The following ARHGEF10 variants were observed in gnomAD, a reference collection of about 807,000 sequenced individuals.
ARHGEF10 encodes the protein Rho guanine nucleotide exchange factor 10.
In ARHGEF10, 140 loss-of-function variants were observed where a neutral mutation model predicts 147.4. That is an observed-to-expected ratio of 0.95 (90% confidence interval 0.83 to 1.09). The LOEUF (loss-of-function observed/expected upper bound fraction) is 1.09, where lower values mean the gene tolerates loss of function less well. Ranked by LOEUF, ARHGEF10 falls within the 50% of genes least tolerant of loss-of-function variation. The probability of loss-of-function intolerance (pLI) is 0.00; values close to 1 mark genes in which losing one functional copy is unlikely to be tolerated. For missense variants in ARHGEF10, 2,222 were observed against 1,752.7 expected, an observed-to-expected ratio of 1.27 and a Z score of -4.78; for synonymous variants, 902 against 695.8, an observed-to-expected ratio of 1.30 and a Z score of -4.67.
At position 1,948,657 on chromosome 8, in the gene ARHGEF10, A is replaced by G. The variant is rs888887387; in HGVS notation, c.3397+3002A>G. Among the ~76,000 whole-genome samples the G allele has an allele frequency of 2.6e-5, 4 of 152,262 alleles. No individual in the cohort carries two copies. The highest frequency in any genetic ancestry group is 2.1e-4 in the South Asian group (1 of 4,832). ...ATAGACTGAAATGGTTCTGATTTTC[A>G]TTGCATTTTGTGACTCAGAGGGAAT... On this transcript the variant is annotated intron_variant, in intron 27 of 28. Coordinates refer to ENST00000349830, the MANE Select transcript of ARHGEF10 (RefSeq NM_014629.4). This position sits in a 1 kb window ranked among gnomAD's most constrained non-coding sequence, Gnocchi z 4.9.
Position 1,952,691 on chromosome 8 carries a change from G to A in ARHGEF10, c.3398-14G>A, listed in dbSNP as rs763366921. On this transcript the variant is annotated splice_polypyrimidine_tract_variant and intron_variant, in intron 27 of 28. Transcript: ENST00000349830. ...ACAAACCAGACCCGAAGCCACTCAT[G>A]TCTTTCCGCCCAGGGCACCAGCGGC... The A allele has an allele frequency of 9.3e-5, 150 of 1,613,276 alleles. 1 individual carries two copies. The highest frequency in any genetic ancestry group is 2.0e-5 in the Non-Finnish European group (24 of 1,180,046).
chr8:1,843,075 G>C (rs1275029797), intron 1 of ARHGEF10, among the ~76,000 whole-genome samples: 1 of 152,220 alleles, frequency 6.6e-6, no homozygotes, highest in Non-Finnish European at 1.5e-5. Context: ...ATTTTGGGAG[G>C]GCCTGGCTGG....
rs78299647 is a variant in ARHGEF10, at chr8:1,939,233, G to A, written c.3222+5291G>A. ...CCTGTGGCCCAGTGTTCTTATTTTC[G>A]AGAACCAAGGCTTAGAGAAAGGAGA... On this transcript the variant is annotated intron_variant, in intron 26 of 28. Transcript: ENST00000349830. 8.6e-3 allele frequency among the ~76,000 whole-genome samples: 1,317 copies of A among 152,328 alleles called. 20 individuals are homozygous for A. Among genetic ancestry groups the A allele is most frequent in the African/African-American group, 0.029 (1,220 of 41,572 alleles).
At chr8:1,887,291 G>A (rs182921741) in intron 11 of ARHGEF10, among the ~76,000 whole-genome samples, 60 of 152,376 alleles carry the variant, frequency 3.9e-4, no homozygotes, top group African/African-American at 1.3e-3. Flanking sequence ...ACAGGAGTGT[G>A]AGTGACTCAG....
chr8:1,951,811 T>A (rs1034474258), intron 27 of ARHGEF10, among the ~76,000 whole-genome samples: 1 of 152,004 alleles, frequency 6.6e-6, no homozygotes, highest in East Asian at 1.9e-4. Context: ...TGTGGTGGAA[T>A]GATGTGACAG....
chr8:1,928,018 G>C (rs1812817296), intron 23 of ARHGEF10, among the ~76,000 whole-genome samples: 1 of 152,180 alleles, frequency 6.6e-6, no homozygotes, highest in Non-Finnish European at 1.5e-5. Flanking sequence ...CATTCTTACT[G>C]ATGTTTTTCC....
At chr8:1,843,812 T>C (rs1804285455) in intron 2 of ARHGEF10, among the ~76,000 whole-genome samples, 1 of 152,194 alleles carries the variant, frequency 6.6e-6, no homozygotes, top group South Asian at 2.1e-4. Flanking sequence ...AGCTCGCCCA[T>C]GGCGGGTGCT....
intron 26 of ARHGEF10, among the ~76,000 whole-genome samples, chr8:1,940,193 T>C (rs1209306024): frequency 6.6e-6 from 1 of 152,180 alleles, no homozygotes; most frequent in Non-Finnish European, 1.5e-5. Context: ...CAGAGTTCTG[T>C]CATACGCCAC....
intron 15 of ARHGEF10, among the ~76,000 whole-genome samples, chr8:1,898,906 G>T (rs540740938): frequency 6.6e-6 from 1 of 152,302 alleles, no homozygotes; most frequent in African/African-American, 2.4e-5. Flanking sequence ...TCTGGTCTAG[G>T]ATCACATGAA....
chr8:1,950,679 C>A (rs1814959696), intron 27 of ARHGEF10, among the ~76,000 whole-genome samples: 2 of 151,374 alleles, frequency 1.3e-5, no homozygotes, highest in Non-Finnish European at 2.9e-5. Context: ...TAACAGGTGC[C>A]TACCACCACG....
chr8:1,870,335 C>G (rs1438056041), intron 7 of ARHGEF10: 1 of 147,888 alleles, frequency 6.8e-6, no homozygotes, highest in African/African-American at 2.5e-5. Flanking sequence ...ACTTTGAAAC[C>G]AGTAGTGCAA....
Position 1,909,371 on chromosome 8 carries a change from G to A in ARHGEF10, c.2044G>A (p.Ala682Thr), listed in dbSNP as rs536694445. The stretch of plus-strand genomic sequence containing the variant: ...GAGCGTTCCACTGGGACATGTGGAC[G>A]CCATCGAGTATGGCAGCAGCGCAGG... Reference protein sequence around the residue: ...KWSVPLGHVDAIEYGSSAGTG... With the variant: ...KWSVPLGHVDTIEYGSSAGTG... The change falls in exon 18 of 29, where the codon GCC becomes ACC. Residue 682 changes from alanine (A) to threonine (T), a missense_variant. Coordinates refer to ENST00000349830, the MANE Select transcript of ARHGEF10 (RefSeq NM_014629.4). 6.2e-6 allele frequency: 10 copies of A among 1,614,204 alleles called. No individual in the cohort carries two copies. The highest frequency in any genetic ancestry group is 3.3e-5 in the South Asian group (3 of 91,082).
chr8:1,851,093 A>G, intron 2 of ARHGEF10, among the ~76,000 whole-genome samples: 1 of 152,132 alleles, frequency 6.6e-6, no homozygotes. Context: ...TTCCTTGATA[A>G]TGGTGCATCC....
chr8:1,854,428 T>C lies in ARHGEF10; in HGVS notation c.38-3532T>C, dbSNP rs77655633. On this transcript the variant is annotated intron_variant, in intron 2 of 28. Coordinates refer to ENST00000349830, the MANE Select transcript of ARHGEF10 (RefSeq NM_014629.4). ...TCTTTGAGTTCTTGTAGAAAGGCTA[T>C]TTTTTTCTTACTGGAACTGAATTCT... Among the ~76,000 whole-genome samples, 764 of 152,312 alleles carry C rather than the reference T, an allele frequency of 5.0e-3. 8 individuals are homozygous for C. Among genetic ancestry groups the C allele is most frequent in the African/African-American group, 0.018 (728 of 41,562 alleles).
chr8:1,910,244 G>C (rs1278863216), intron 18 of ARHGEF10, among the ~76,000 whole-genome samples: 1 of 152,146 alleles, frequency 6.6e-6, no homozygotes, highest in Non-Finnish European at 1.5e-5. Flanking sequence ...AGATTATTTT[G>C]TTTCTGACAT....
intron 26 of ARHGEF10, among the ~76,000 whole-genome samples, chr8:1,940,067 T>A (rs1304413740): frequency 6.6e-6 from 1 of 152,156 alleles, no homozygotes; most frequent in Non-Finnish European, 1.5e-5. Flanking sequence ...TTGCGCTGGG[T>A]TAAAAACTCC....
chr8:1,826,260 C>G, intron 1 of ARHGEF10: 1 of 849,422 alleles, frequency 1.2e-6, no homozygotes, highest in East Asian at 2.7e-5. Context: ...TGCTTGACTT[C>G]CAGATGTAAC....
chr8:1,935,359 G>C (rs544597016), intron 26 of ARHGEF10, among the ~76,000 whole-genome samples: 119 of 152,216 alleles, frequency 7.8e-4, no homozygotes, highest in African/African-American at 2.7e-3. Context: ...CCGTGCTTCT[G>C]TGGGTTTGGG....
At chr8:1,918,326 G>A (rs996928922) in intron 18 of ARHGEF10, among the ~76,000 whole-genome samples, 11 of 152,014 alleles carry the variant, frequency 7.2e-5, no homozygotes, top group African/African-American at 1.7e-4. Context: ...CTGATGATCC[G>A]GCAGACATAA....
Sources: gnomAD v4.1 joint callset for allele counts (sites outside exome capture counted in the v4.1 genomes callset) on GRCh38, gnomAD v4.1.1 for gene constraint, Gnocchi (gnomAD v3.1) non-coding constraint, MANE v1.5 for transcripts, NCBI Gene and HGNC (gene_info 2026-07-23, HGNC 2026-07-21) for gene names.